The following HECW1 variants were observed in gnomAD, a reference collection of about 807,000 sequenced individuals.
HECW1 encodes the protein HECT, C2 and WW domain containing E3 ubiquitin protein ligase 1.
A neutral mutation model predicts 182.3 loss-of-function variants in HECW1; 61 were observed. The observed-to-expected ratio is 0.33, with a 90% CI of 0.27 to 0.41. The LOEUF (loss-of-function observed/expected upper bound fraction) is 0.41, where lower values mean the gene tolerates loss of function less well. HECW1 is among the 10% of genes least tolerant of loss of function. The pLI is 1.00. For missense variants in HECW1, 1,739 were observed against 2,108.9 expected, an observed-to-expected ratio of 0.82 and a Z score of 3.44; for synonymous variants, 859 against 832.6, an observed-to-expected ratio of 1.03 and a Z score of -0.55.
chr7:43,544,716 G>C (rs762534052), intron 26 of HECW1, among the ~76,000 whole-genome samples: 2 of 152,194 alleles, frequency 1.3e-5, no homozygotes, highest in Admixed American at 6.5e-5. Context: ...ATGTCCAGCA[G>C]TAGAGCACTG....
rs114405466 is a variant in HECW1 at position 43,472,176 on chromosome 7, G to A, written c.3099+3071G>A. On this transcript the variant is annotated intron_variant, in intron 16 of 29. Coordinates refer to ENST00000395891, the MANE Select transcript of HECW1 (RefSeq NM_015052.5). ...CATCACTGATATGGCGTATGAACAC[G>A]GAAACAGCCTCTAAAGCAGAAGGAA... Among the ~76,000 whole-genome samples the A allele has an allele frequency of 5.8e-3, 876 of 152,166 alleles. 7 individuals carry two copies. Among genetic ancestry groups the A allele is most frequent in the African/African-American group, 0.018 (743 of 41,508 alleles).
chr7:43,547,711 G>A (rs1365687181), intron 26 of HECW1, among the ~76,000 whole-genome samples: 16 of 152,044 alleles, frequency 1.1e-4, no homozygotes. Context: ...TGAAAAGATG[G>A]GCAACCACAT....
chr7:43,332,999 CAG>C (rs1811687566), intron 5 of HECW1, among the ~76,000 whole-genome samples: 1 of 152,176 alleles, frequency 6.6e-6, no homozygotes, highest in African/African-American at 2.4e-5. Context: ...AGCCTGCCTT[CAG>C]AGACTGCTCT....
At position 43,482,390 on chromosome 7, in the gene HECW1, A is replaced by C. The variant is rs2078471081; in HGVS notation, c.3234+2646A>C. ...CATTTGCTGTGATGTGATTTTGCTC[A>C]GCAAAAATTGATTCCATGCATGGCT... On this transcript the variant is annotated intron_variant, in intron 17 of 29. Coordinates refer to ENST00000395891, the MANE Select transcript of HECW1 (RefSeq NM_015052.5). Among the ~76,000 whole-genome samples, 8 of 152,372 alleles carry C rather than the reference A, an allele frequency of 5.3e-5. No individual in the cohort carries two copies. In the South Asian group the frequency reaches 1.7e-3, roughly 32 times the overall value.
chr7:43,502,580 AC>A (rs2079409958), intron 21 of HECW1, among the ~76,000 whole-genome samples: 1 of 152,088 alleles, frequency 6.6e-6, no homozygotes, highest in African/African-American at 2.4e-5. Context: ...GATCTCTTGA[AC>A]CCAGGAGACA....
intron 3 of HECW1, among the ~76,000 whole-genome samples, chr7:43,271,443 C>G (rs1036794371): frequency 6.6e-6 from 1 of 152,154 alleles, no homozygotes; most frequent in South Asian, 2.1e-4. Context: ...TTATATGATT[C>G]TGTACTTAGA....
At chr7:43,514,851 T>C (rs191536163) in intron 24 of HECW1, among the ~76,000 whole-genome samples, 6 of 152,326 alleles carry the variant, frequency 3.9e-5, no homozygotes, top group Admixed American at 6.5e-5. Context: ...TGAGTTATCC[T>C]ACTTTTACAG....
At chr7:43,247,538 G>A (rs1799496082) in intron 3 of HECW1, among the ~76,000 whole-genome samples, 1 of 152,094 alleles carries the variant, frequency 6.6e-6, no homozygotes, top group African/African-American at 2.4e-5. Context: ...TTACTCTGGT[G>A]GTTGAGGCAG....
chr7:43,445,214 C>G lies in HECW1; in HGVS notation c.2042C>G (p.Ser681Trp). The change falls in exon 11 of 30, where the codon TCG (serine) becomes TGG (tryptophan). Residue 681 changes from serine (S) to tryptophan (W), a missense_variant. Around this residue, in one of 5 missense-constraint regions of HECW1, gnomAD observed 971 missense variants for 1,029.1 expected, o/e 0.94. Coordinates refer to ENST00000395891, the MANE Select transcript of HECW1 (RefSeq NM_015052.5). ...TGTGACGCGTCCTGCTGCAGCCCCT[C>G]GTGCTACAGCTCCTCGTGCTACAGC... ...EGCDASCCSP[S>W]CYSSSCYSTS... is the part of the protein sequence containing the mutation. 1 of 1,613,026 alleles carries G rather than the reference C, an allele frequency of 6.2e-7. No homozygotes were observed. The highest frequency in any genetic ancestry group is 8.5e-7 in the Non-Finnish European group (1 of 1,179,552).
intron 2 of HECW1, among the ~76,000 whole-genome samples, chr7:43,164,088 G>A (rs985831781): frequency 2.0e-5 from 3 of 152,084 alleles, no homozygotes; most frequent in Admixed American, 6.5e-5. Flanking sequence ...TTGGGTGGAG[G>A]TAGTGGGAAT....
intron 2 of HECW1, among the ~76,000 whole-genome samples, chr7:43,213,243 G>T (rs1562682748): frequency 6.6e-6 from 1 of 151,894 alleles, no homozygotes; most frequent in East Asian, 1.9e-4. Flanking sequence ...TCATCAAACT[G>T]AAGCAGGACT....
At chr7:43,367,461 C>A (rs1816796033) in intron 6 of HECW1, among the ~76,000 whole-genome samples, 1 of 152,156 alleles carries the variant, frequency 6.6e-6, no homozygotes, top group African/African-American at 2.4e-5. Context: ...TTATACAGTA[C>A]AATATTCTAT....
chr7:43,219,887 C>A (rs769953876), intron 2 of HECW1, among the ~76,000 whole-genome samples: 1 of 152,146 alleles, frequency 6.6e-6, no homozygotes, highest in Non-Finnish European at 1.5e-5. Flanking sequence ...CTTACTACCA[C>A]AAAAGGTTCT....
chr7:43,116,651 C>T (rs1402362734), intron 2 of HECW1, among the ~76,000 whole-genome samples: 1 of 152,180 alleles, frequency 6.6e-6, no homozygotes, highest in Non-Finnish European at 1.5e-5. Context: ...CCTTTTCCAT[C>T]CTAAAAAACA....
intron 5 of HECW1, among the ~76,000 whole-genome samples, chr7:43,332,428 T>C (rs1811611425): frequency 1.3e-5 from 2 of 152,224 alleles, no homozygotes; most frequent in Admixed American, 6.5e-5. Flanking sequence ...ATTCTTGAAA[T>C]GGGGCCTTGC....
At chr7:43,502,566 G>A (rs993091252) in intron 21 of HECW1, among the ~76,000 whole-genome samples, 9 of 152,098 alleles carry the variant, frequency 5.9e-5, no homozygotes, top group Admixed American at 2.6e-4. Context: ...GGAGGCTAAG[G>A]CGGGATCTCT....
intron 2 of HECW1, among the ~76,000 whole-genome samples, chr7:43,225,102 T>C (rs958029525): frequency 2.6e-5 from 4 of 151,988 alleles, no homozygotes; most frequent in Non-Finnish European, 5.9e-5. Context: ...ACATTGGAGG[T>C]TTGTCAGGGG....
intron 2 of HECW1, chr7:43,240,023 A>G (rs1282487303): frequency 6.6e-6 from 1 of 152,214 alleles, no homozygotes; most frequent in African/African-American, 2.4e-5. Context: ...CTTTGTTTCT[A>G]TAATTAGGAA....
chr7:43,456,743 G>A (rs1005005404), intron 13 of HECW1, among the ~76,000 whole-genome samples: 9 of 152,158 alleles, frequency 5.9e-5, no homozygotes, highest in South Asian at 2.1e-4. Flanking sequence ...CCTCTCCTGC[G>A]ATGTTCACCA....
Sources: gnomAD v4.1 joint callset for allele counts (sites outside exome capture counted in the v4.1 genomes callset) on GRCh38, gnomAD v4.1.1 for gene constraint, gnomAD v4.1.1 regional missense constraint, MANE v1.5 for transcripts, NCBI Gene and HGNC (gene_info 2026-07-23, HGNC 2026-07-21) for gene names.